The following KHDRBS2 variants were observed in gnomAD, a reference collection of about 807,000 sequenced individuals.
KHDRBS2 encodes KH domain-containing, RNA-binding, signal transduction-associated protein 2.
In KHDRBS2, 26 loss-of-function variants were observed where a neutral mutation model predicts 44.3. The ratio of observed to expected loss-of-function variants is 0.59; its 90% CI spans 0.43 to 0.81. The LOEUF (loss-of-function observed/expected upper bound fraction) is 0.81. KHDRBS2 is among the 40% of genes least tolerant of loss of function. The pLI, the probability that KHDRBS2 is intolerant of heterozygous loss-of-function variation, is 0.00. For missense variants in KHDRBS2, 476 were observed against 433.1 expected (o/e 1.10, Z -0.88); for synonymous variants, 194 against 151.1 (o/e 1.28, Z -2.08).
chr6:61,596,537 AAG>A, the KHDRBS2 span, among the ~76,000 whole-genome samples: 5 of 152,286 alleles, frequency 3.3e-5, no homozygotes, highest in African/African-American at 1.2e-4. Flanking sequence ...CCAGCTTCCA[AAG>A]AGTGTTTCTT....
the KHDRBS2 span, among the ~76,000 whole-genome samples, chr6:61,605,206 G>C: frequency 6.6e-6 from 1 of 152,080 alleles, no homozygotes; most frequent in African/African-American, 2.4e-5. Context: ...TCTCATTCCA[G>C]ACACCAGACC....
chr6:61,578,186 G>A, the KHDRBS2 span, among the ~76,000 whole-genome samples: 3 of 152,042 alleles, frequency 2.0e-5, no homozygotes, highest in South Asian at 2.1e-4. Context: ...GGGGAGATCA[G>A]GTCACTTTAA....
chr6:62,248,560 C>T (rs1274867257), intron 1 of KHDRBS2, among the ~76,000 whole-genome samples: 6 of 151,732 alleles, frequency 4.0e-5, no homozygotes, highest in South Asian at 2.1e-4. Flanking sequence ...GGTTTCACCA[C>T]GTTGGCCAGG....
At chr6:61,986,231 C>G (rs1341088345) in intron 3 of KHDRBS2, among the ~76,000 whole-genome samples, 1 of 152,116 alleles carries the variant, frequency 6.6e-6, no homozygotes, top group Non-Finnish European at 1.5e-5. Context: ...TATAAACACT[C>G]AAATAAGGTT....
At chr6:62,153,528 A>C (rs1455269220) in intron 2 of KHDRBS2, among the ~76,000 whole-genome samples, 1 of 152,176 alleles carries the variant, frequency 6.6e-6, no homozygotes, top group African/African-American at 2.4e-5. Context: ...ACTAAGCACG[A>C]TGCTTCCTCC....
At chr6:62,108,482 C>A (rs983692010) in intron 2 of KHDRBS2, among the ~76,000 whole-genome samples, 2 of 152,098 alleles carry the variant, frequency 1.3e-5, no homozygotes, top group East Asian at 3.9e-4. Context: ...AATAGGAACA[C>A]TTTTACACTG....
the KHDRBS2 span, among the ~76,000 whole-genome samples, chr6:61,550,842 G>T: frequency 2.8e-5 from 4 of 142,000 alleles, no homozygotes; most frequent in African/African-American, 5.3e-5. Flanking sequence ...GCATGATCTC[G>T]GCTCACTGCA....
chr6:62,087,476 T>C (rs961550228), intron 2 of KHDRBS2, among the ~76,000 whole-genome samples: 1 of 151,398 alleles, frequency 6.6e-6, no homozygotes, highest in African/African-American at 2.4e-5. Context: ...GAAATGAAAA[T>C]TTAAAGGCCA....
At chr6:61,798,225 C>G (rs1490431206) in intron 6 of KHDRBS2, among the ~76,000 whole-genome samples, 1 of 152,042 alleles carries the variant, frequency 6.6e-6, no homozygotes, top group African/African-American at 2.4e-5. Flanking sequence ...TTTTGATGCA[C>G]TCATATCATA....
At chr6:61,747,182 A>T (rs550176484) in intron 6 of KHDRBS2, among the ~76,000 whole-genome samples, 17 of 152,314 alleles carry the variant, frequency 1.1e-4, no homozygotes, top group Admixed American at 1.1e-3. Context: ...GGACATGAGA[A>T]ACCAAAGCTT....
chr6:62,202,077 T>G (rs995131872), intron 1 of KHDRBS2, among the ~76,000 whole-genome samples: 1 of 152,138 alleles, frequency 6.6e-6, no homozygotes, highest in Non-Finnish European at 1.5e-5. Flanking sequence ...AAAATAATCT[T>G]ACAGAGAAAT....
At chr6:61,669,682 C>A in the KHDRBS2 span, among the ~76,000 whole-genome samples, 243 of 151,064 alleles carry the variant, frequency 1.6e-3, no homozygotes, top group African/African-American at 5.6e-3. Flanking sequence ...AGAATATACA[C>A]AAACCTGCAT....
intron 2 of KHDRBS2, among the ~76,000 whole-genome samples, chr6:62,064,703 T>C (rs1402837818): frequency 6.6e-6 from 1 of 152,034 alleles, no homozygotes; most frequent in Non-Finnish European, 1.5e-5. Flanking sequence ...GGCATTACCA[T>C]TCAGGTCACA....
intron 1 of KHDRBS2, among the ~76,000 whole-genome samples, chr6:62,195,993 G>C (rs1297380992): frequency 6.6e-6 from 1 of 152,160 alleles, no homozygotes; most frequent in East Asian, 1.9e-4. Flanking sequence ...AACAGAAACA[G>C]AATAAGCATC....
At chr6:62,146,644 A>G (rs1249111658) in intron 2 of KHDRBS2, among the ~76,000 whole-genome samples, 1 of 151,756 alleles carries the variant, frequency 6.6e-6, no homozygotes, top group Admixed American at 6.6e-5. Flanking sequence ...TAATAGATTT[A>G]TTTTTTTAAA....
chr6:61,574,462 A>C, the KHDRBS2 span: 1 of 1,348,370 alleles, frequency 7.4e-7, no homozygotes, highest in Non-Finnish European at 1.0e-6. Flanking sequence ...AACACCCAAT[A>C]AGCCCACAGG....
At chr6:61,790,236 C>T (rs1314752086) in intron 6 of KHDRBS2, among the ~76,000 whole-genome samples, 1 of 151,244 alleles carries the variant, frequency 6.6e-6, no homozygotes, top group Non-Finnish European at 1.5e-5. Flanking sequence ...ATTGGGTGCT[C>T]ACCAGAGTGC....
intron 6 of KHDRBS2, among the ~76,000 whole-genome samples, chr6:61,888,964 A>G (rs953344897): frequency 6.6e-6 from 1 of 152,174 alleles, no homozygotes; most frequent in African/African-American, 2.4e-5. Flanking sequence ...AGCTTTTTAA[A>G]AATTTTACTA....
intron 3 of KHDRBS2, among the ~76,000 whole-genome samples, chr6:62,041,342 GA>G (rs1051375765): frequency 2.0e-5 from 3 of 150,840 alleles, no homozygotes; most frequent in Non-Finnish European, 4.4e-5. Context: ...AATAAAAAAA[GA>G]AAAAAAAATT....
Sources: gnomAD v4.1 joint callset for allele counts (sites outside exome capture counted in the v4.1 genomes callset) on GRCh38, gnomAD v4.1.1 for gene constraint, MANE v1.5 for transcripts, NCBI Gene and HGNC (gene_info 2026-07-23, HGNC 2026-07-21) for gene names.